PCYOX1: variants seen among roughly 807,000 people sequenced by gnomAD.
The protein encoded by PCYOX1 is prenylcysteine lyase.
In PCYOX1, 46 loss-of-function variants were observed where a neutral mutation model predicts 46.4. The ratio of observed to expected loss-of-function variants is 0.99; its 90% CI spans 0.78 to 1.27. The LOEUF (loss-of-function observed/expected upper bound fraction) is 1.27, where lower values mean the gene tolerates loss of function less well. Ranked by LOEUF, PCYOX1 falls within the 50% of genes most tolerant of loss-of-function variation. The pLI, the probability that PCYOX1 is intolerant of heterozygous loss-of-function variation, is 0.00. For missense variants in PCYOX1, 658 were observed against 628.3 expected, an observed-to-expected ratio of 1.05 and a Z score of -0.51; for synonymous variants, 220 against 231.8, an observed-to-expected ratio of 0.95 and a Z score of 0.46.
rs964360699 is a variant in PCYOX1, at chr2:70,258,170, G to A, written c.6G>A (p.Gly2=). The A allele has an allele frequency of 1.9e-6, 3 of 1,594,872 alleles. No individual in the cohort carries two copies. The highest frequency in any genetic ancestry group is 2.7e-5 in the African/African-American group (2 of 73,084). Residue 2 remains glycine, a synonymous_variant, in exon 1 of 6, where the codon GGG becomes GGA. Coordinates refer to ENST00000433351, the MANE Select transcript of PCYOX1 (RefSeq NM_016297.4). M[G]RVVAELVSSL... The stretch of plus-strand genomic sequence containing the variant: ...CTGCAGAGCTTGTGGAGGCCATGGG[G>A]CGCGTCGTCGCGGAGCTCGTCTCCT...
At chr2:70,269,158 G>A (rs982308411) in intron 3 of PCYOX1, among the ~76,000 whole-genome samples, 1 of 142,168 alleles carries the variant, frequency 7.0e-6, no homozygotes. Flanking sequence ...TTTCTTATTT[G>A]TTTCAAGGAT....
chr2:70,258,256 G>A lies in PCYOX1; in HGVS notation c.92G>A (p.Arg31His), dbSNP rs779693585. ...GGATGCCCCGAGGGCGCCGAGCTGCGTGCTCCGCCAGATAAAATCGGTAGG... is the reference window on the plus strand; with the variant it reads ...GGATGCCCCGAGGGCGCCGAGCTGCATGCTCCGCCAGATAAAATCGGTAGG... ...SCGCPEGAEL[R>H]APPDKIAIIG... The change falls in exon 1 of 6, where the codon CGT becomes CAT. Residue 31 changes from arginine to histidine, a missense_variant. Transcript: ENST00000433351. 2 of 1,590,570 alleles carry A rather than the reference G, an allele frequency of 1.3e-6. No homozygotes were observed. The highest frequency in any genetic ancestry group is 8.5e-7 in the Non-Finnish European group (1 of 1,174,312).
chr2:70,268,480 T>C (rs1306465976), intron 3 of PCYOX1, among the ~76,000 whole-genome samples: 1 of 152,012 alleles, frequency 6.6e-6, no homozygotes, highest in Non-Finnish European at 1.5e-5. Flanking sequence ...TTTAAATATG[T>C]GATTAAGTTA....
Position 70,258,191 on chromosome 2 carries a change from C to T in PCYOX1, c.27C>T (p.Val9=), listed in dbSNP as rs1225457265. ...TGGGGCGCGTCGTCGCGGAGCTCGT[C>T]TCCTCGCTGCTGGGGTTGTGGCTGT... MGRVVAEL[V]SSLLGLWLLL... Residue 9 remains valine, a synonymous_variant, in exon 1 of 6, where the codon GTC becomes GTT. Transcript: ENST00000433351. 2.5e-6 allele frequency: 4 copies of T among 1,598,244 alleles called. No individual in the cohort carries two copies. The highest frequency in any genetic ancestry group is 1.7e-5 in the Admixed American group (1 of 59,592).
At position 70,258,459 on chromosome 2, in the gene PCYOX1, G is replaced by T. The variant is rs182937453; in HGVS notation, c.112+183G>T. ...CGGCTTTCAGCTCTGGTCGGAATAG[G>T]ACTGTGCATTCCCAGGCGTGGAGAG... On this transcript the variant is annotated intron_variant, in intron 1 of 5. Coordinates refer to ENST00000433351, the MANE Select transcript of PCYOX1 (RefSeq NM_016297.4). The T allele has an allele frequency of 8.5e-4, 305 of 360,944 alleles. 2 individuals carry two copies. Among genetic ancestry groups the T allele is most frequent in the African/African-American group, 6.2e-3 (275 of 44,110 alleles). 22.4% of individuals were successfully genotyped at this position (360,944 alleles called of 1,614,324 possible).
chr2:70,269,967 TTTTA>T (rs1187551816), intron 3 of PCYOX1, among the ~76,000 whole-genome samples: 2 of 152,046 alleles, frequency 1.3e-5, no homozygotes, highest in African/African-American at 4.8e-5. Flanking sequence ...TGGTTTTATT[TTTTA>T]TTTTTTTTTC....
At chr2:70,265,058 C>T in intron 3 of PCYOX1, among the ~76,000 whole-genome samples, 1 of 152,074 alleles carries the variant, frequency 6.6e-6, no homozygotes, top group Non-Finnish European at 1.5e-5. Context: ...TACTCGAAAA[C>T]AGTGCATTCA....
chr2:70,275,746 C>G, intron 5 of PCYOX1, 80 bp downstream of exon 5: 1 of 1,272,900 alleles, frequency 7.9e-7, no homozygotes, highest in Non-Finnish European at 1.1e-6. Context: ...CTTCTGTCAT[C>G]TCTTACTCAG....
chr2:70,274,580 T>C (rs1237913881), intron 3 of PCYOX1, among the ~76,000 whole-genome samples: 2 of 150,514 alleles, frequency 1.3e-5, no homozygotes, highest in African/African-American at 4.9e-5. Flanking sequence ...TTTTTTTTTT[T>C]TAAGAGACAC....
At chr2:70,276,260 C>T (rs1696670008) in intron 5 of PCYOX1, among the ~76,000 whole-genome samples, 1 of 151,746 alleles carries the variant, frequency 6.6e-6, no homozygotes, top group African/African-American at 2.4e-5. Context: ...AGCTCCGCCT[C>T]CCGGGTTCAC....
intron 1 of PCYOX1, 155 bp downstream of exon 1, chr2:70,258,431 G>A: frequency 1.8e-6 from 1 of 545,888 alleles, no homozygotes; most frequent in Non-Finnish European, 3.2e-6. Context: ...TCACACTTCA[G>A]GGCGGCTTTC....
At chr2:70,274,779 G>C in intron 3 of PCYOX1, 180 bp from the exon 4 acceptor site, 1 of 591,968 alleles carries the variant, frequency 1.7e-6, no homozygotes, top group South Asian at 2.0e-5. Flanking sequence ...GGCCAGGCTG[G>C]TCTTGAACTC....
chr2:70,265,000 G>C (rs911234186), intron 3 of PCYOX1, among the ~76,000 whole-genome samples: 2 of 151,978 alleles, frequency 1.3e-5, no homozygotes, highest in Admixed American at 1.3e-4. Flanking sequence ...CTATGTAACA[G>C]TAGTAAACCA....
Position 70,259,447 on chromosome 2 carries a change from A to T in PCYOX1, c.200A>T (p.Glu67Val). Reference protein sequence around the residue: ...FGKDVKIDLFEREEVGGRLAT... With the variant: ...FGKDVKIDLFVREEVGGRLAT... ...AAAGATGTGAAGATAGACCTGTTTG[A>T]AAGAGAAGAGGTCGGGGGCCGCCTG... The change falls in exon 2 of 6, where the codon GAA (glutamate) becomes GTA (valine). Residue 67 changes from glutamate (E) to valine (V), a missense_variant. Physicochemically the swap from Glu to Val is moderately radical, Grantham distance 121 (BLOSUM62 -2). Transcript: ENST00000433351. 6.2e-7 allele frequency: 1 copy of T among 1,614,102 alleles called. No individual in the cohort carries two copies. The highest frequency in any genetic ancestry group is 8.5e-7 in the Non-Finnish European group (1 of 1,179,962).
chr2:70,264,419 T>G (rs893153331), intron 3 of PCYOX1, among the ~76,000 whole-genome samples: 1 of 151,826 alleles, frequency 6.6e-6, no homozygotes, highest in African/African-American at 2.4e-5. Flanking sequence ...CTCTGCCTCC[T>G]GAGTCCAAGC....
chr2:70,259,397 C>T lies in PCYOX1; in HGVS notation c.150C>T (p.Ala50=). Reference sequence around the variant, plus strand: ...CCGGAATTGGTGGCACTTCAGCAGCCTATTACCTGCGGCAGAAATTTGGGA... The same window carrying T: ...CCGGAATTGGTGGCACTTCAGCAGCTTATTACCTGCGGCAGAAATTTGGGA... The part of the protein sequence containing the change: ...IGAGIGGTSA[A]YYLRQKFGKD... The change falls in exon 2 of 6, where the codon GCC becomes GCT. Residue 50 remains alanine, a synonymous_variant. Coordinates refer to ENST00000433351, the MANE Select transcript of PCYOX1 (RefSeq NM_016297.4). 1 of 1,614,106 alleles carries T rather than the reference C, an allele frequency of 6.2e-7. No homozygotes were observed.
chr2:70,259,453 A>G lies in PCYOX1; in HGVS notation c.206A>G (p.Glu69Gly). 6.2e-7 allele frequency: 1 copy of G among 1,614,116 alleles called. No homozygotes were observed. The highest frequency in any genetic ancestry group is 1.1e-5 in the South Asian group (1 of 91,070). The change falls in exon 2 of 6, where the codon GAA (glutamate) becomes GGA (glycine). Residue 69 changes from glutamate to glycine, a missense_variant. Transcript: ENST00000433351. ...KDVKIDLFER[E>G]EVGGRLATMM... ...GTGAAGATAGACCTGTTTGAAAGAG[A>G]AGAGGTCGGGGGCCGCCTGGCTACC...
At chr2:70,275,687 G>T in intron 5 of PCYOX1, 21 bp downstream of exon 5, 1 of 1,559,474 alleles carries the variant, frequency 6.4e-7, no homozygotes, top group Non-Finnish European at 8.8e-7. Context: ...ATTTCTTATT[G>T]TTCCTGATAT....
upstream of PCYOX1, chr2:70,258,127 C>A: frequency 6.0e-6 from 9 of 1,499,050 alleles, no homozygotes; most frequent in East Asian, 7.3e-5. Context: ...GGGAGGACTG[C>A]GGGGCTCTTG....
Sources: gnomAD v4.1 joint callset for allele counts (sites outside exome capture counted in the v4.1 genomes callset) on GRCh38, gnomAD v4.1.1 for gene constraint, MANE v1.5 for transcripts, NCBI Gene and HGNC (gene_info 2026-07-23, HGNC 2026-07-21) for gene names.